PDE7B: variants seen among roughly 807,000 people sequenced by gnomAD.
PDE7B encodes the protein 3',5'-cyclic-AMP phosphodiesterase 7B.
In PDE7B, 29 loss-of-function variants were observed where a neutral mutation model predicts 56.2. The ratio of observed to expected loss-of-function variants is 0.52; its 90% CI spans 0.38 to 0.70. The LOEUF is 0.70. Among genes scored for constraint, PDE7B ranks in the 30% least tolerant of loss-of-function variants. The pLI is 0.00. For synonymous variants in PDE7B, 197 were observed against 196.9 expected, an observed-to-expected ratio of 1.00 and a Z score of 0.00; for missense variants, 490 against 565.0, an observed-to-expected ratio of 0.87 and a Z score of 1.35.
intron 3 of PDE7B, among the ~76,000 whole-genome samples, chr6:136,125,202 A>G (rs1360542394): frequency 6.6e-6 from 1 of 152,188 alleles, no homozygotes; most frequent in East Asian, 1.9e-4. Context: ...CGTTACATGT[A>G]TATTTTAACA....
intron 1 of PDE7B, among the ~76,000 whole-genome samples, chr6:135,911,956 C>T (rs1562436151): frequency 6.6e-6 from 1 of 152,104 alleles, no homozygotes; most frequent in East Asian, 1.9e-4. Flanking sequence ...GACAAGTGGC[C>T]ACTGTGAGCC....
chr6:135,919,728 T>C (rs1774032748), intron 1 of PDE7B, among the ~76,000 whole-genome samples: 1 of 152,220 alleles, frequency 6.6e-6, no homozygotes, highest in Admixed American at 6.5e-5. Flanking sequence ...TTTGAGCAAA[T>C]TATTTAACCT....
intron 2 of PDE7B, among the ~76,000 whole-genome samples, chr6:136,071,791 CAATAAATT>C (rs1415155050): frequency 1.3e-5 from 2 of 152,054 alleles, no homozygotes; most frequent in African/African-American, 4.8e-5. Context: ...AGATTCCACT[CAATAAATT>C]AATAAATGAG....
chr6:136,162,324 C>T (rs1454685527), intron 8 of PDE7B: 2 of 152,054 alleles, frequency 1.3e-5, no homozygotes, highest in Non-Finnish European at 2.9e-5. Context: ...CGTCCTTCTT[C>T]ACATGGTGAC....
intron 2 of PDE7B, among the ~76,000 whole-genome samples, chr6:136,055,301 G>T (rs1168149546): frequency 2.6e-5 from 4 of 152,176 alleles, no homozygotes; most frequent in Admixed American, 6.5e-5. Context: ...TCTAACTTCT[G>T]TGCTGTAAAA....
chr6:135,953,284 C>T (rs953844046), intron 2 of PDE7B, among the ~76,000 whole-genome samples: 1 of 151,852 alleles, frequency 6.6e-6, no homozygotes, highest in Non-Finnish European at 1.5e-5. Context: ...CTTATGAGAC[C>T]TATATACTGT....
At chr6:135,997,990 TCCAAGCTACTCTA>T (rs1225107330) in intron 2 of PDE7B, among the ~76,000 whole-genome samples, 2 of 152,192 alleles carry the variant, frequency 1.3e-5, no homozygotes, top group African/African-American at 4.8e-5. Flanking sequence ...AAACTTATTT[TCCAAGCTACTCTA>T]CCACTGTAAA....
intron 1 of PDE7B, among the ~76,000 whole-genome samples, chr6:135,933,515 T>C (rs2128197351): frequency 6.6e-6 from 1 of 152,366 alleles, no homozygotes; most frequent in Middle Eastern, 3.4e-3. Context: ...ACTCTTGCCC[T>C]TAAATAAGCT....
At chr6:136,072,758 A>G (rs1777070544) in intron 2 of PDE7B, 1 of 152,230 alleles carries the variant, frequency 6.6e-6, no homozygotes, top group Middle Eastern at 3.4e-3. Context: ...TGCTGTTGGT[A>G]TTTAGAATCC....
At chr6:135,930,865 T>C (rs1774281539) in intron 1 of PDE7B, among the ~76,000 whole-genome samples, 1 of 152,238 alleles carries the variant, frequency 6.6e-6, no homozygotes, top group South Asian at 2.1e-4. Flanking sequence ...GTTCTATGTG[T>C]CATTGAAAGT....
chr6:136,013,479 A>C (rs1469893380), intron 2 of PDE7B, among the ~76,000 whole-genome samples: 2 of 152,334 alleles, frequency 1.3e-5, no homozygotes, highest in East Asian at 3.9e-4. Flanking sequence ...TCCGCTCTCA[A>C]GTGACTTTCA....
chr6:136,120,825 T>C (rs1001651913), intron 3 of PDE7B, among the ~76,000 whole-genome samples: 1 of 152,160 alleles, frequency 6.6e-6, no homozygotes, highest in Non-Finnish European at 1.5e-5. Flanking sequence ...ATCAGCAGTG[T>C]GGTCGCCTGG....
intron 1 of PDE7B, among the ~76,000 whole-genome samples, chr6:135,860,395 A>G (rs1276239835): frequency 6.6e-6 from 1 of 152,076 alleles, no homozygotes; most frequent in Non-Finnish European, 1.5e-5. Flanking sequence ...ATTTTTATAC[A>G]AAAGTTCAAA....
Position 135,893,718 on chromosome 6 carries a change from T to C in PDE7B, c.21+41699T>C, listed in dbSNP as rs533875637. On this transcript the variant is annotated intron_variant, in intron 1 of 12. Transcript: ENST00000308191. ...GCTATAAAGGAGCCTTTCTTAATCA[T>C]CCTGTGTCTCCTGCTATGATAAGCA... Among the ~76,000 whole-genome samples the C allele has an allele frequency of 2.0e-5, 3 of 152,264 alleles. No individual in the cohort carries two copies. In the South Asian group the frequency reaches 6.2e-4, roughly 32 times the overall value.
chr6:136,150,922 T>A (rs1583910332), intron 5 of PDE7B, among the ~76,000 whole-genome samples: 6 of 152,236 alleles, frequency 3.9e-5, no homozygotes, highest in Admixed American at 3.3e-4. Flanking sequence ...TAACTCTTAA[T>A]GTCTTCATTG....
At chr6:136,166,935 G>A (rs1314836193) in intron 8 of PDE7B, among the ~76,000 whole-genome samples, 2 of 152,176 alleles carry the variant, frequency 1.3e-5, no homozygotes, top group African/African-American at 4.8e-5. Context: ...CCAGAAGGCT[G>A]TGCCTGGTCT....
chr6:136,146,608 G>A (rs1346903064), intron 3 of PDE7B, among the ~76,000 whole-genome samples: 1 of 152,102 alleles, frequency 6.6e-6, no homozygotes, highest in Non-Finnish European at 1.5e-5. Flanking sequence ...TGTGTAAACT[G>A]GTGTATTTAC....
chr6:136,002,653 C>G (rs375315685), intron 2 of PDE7B, among the ~76,000 whole-genome samples: 6 of 152,032 alleles, frequency 3.9e-5, no homozygotes, highest in Non-Finnish European at 1.5e-5. Flanking sequence ...AGAGCTAACT[C>G]TCCTAAATAT....
At chr6:135,882,878 TA>T (rs2128188998) in intron 1 of PDE7B, among the ~76,000 whole-genome samples, 1 of 152,358 alleles carries the variant, frequency 6.6e-6, no homozygotes, top group South Asian at 2.1e-4. Flanking sequence ...TTCCCATTAT[TA>T]TAAAGTTTTC....
Sources: allele counts gnomAD v4.1 joint callset (sites outside exome capture counted in the v4.1 genomes callset), GRCh38; gene constraint gnomAD v4.1.1; transcripts MANE v1.5; gene names NCBI Gene and HGNC (gene_info 2026-07-23, HGNC 2026-07-21).